The following SORCS3 variants were observed in gnomAD, a reference collection of about 807,000 sequenced individuals.
The protein encoded by SORCS3 is sortilin related VPS10 domain containing receptor 3, also known as VPS10 domain-containing receptor SorCS3.
A neutral mutation model predicts 146.3 loss-of-function variants in SORCS3; 57 were observed. That is an observed-to-expected ratio of 0.39 (90% CI 0.31 to 0.49). The LOEUF (loss-of-function observed/expected upper bound fraction) is 0.49. Among genes scored for constraint, SORCS3 ranks in the 20% least tolerant of loss-of-function variants. The pLI is 0.92. For synonymous variants in SORCS3, 653 were observed against 618.5 expected, an observed-to-expected ratio of 1.06 and a Z score of -0.83; for missense variants, 1,341 against 1,575.5, an observed-to-expected ratio of 0.85 and a Z score of 2.52.
At chr10:104,966,602 A>AG (rs2054827674) in intron 3 of SORCS3, among the ~76,000 whole-genome samples, 1 of 152,176 alleles carries the variant, frequency 6.6e-6, no homozygotes, top group African/African-American at 2.4e-5. Flanking sequence ...AGAGTGAGAG[A>AG]GAGACTGAGA....
intron 14 of SORCS3, among the ~76,000 whole-genome samples, chr10:105,181,457 C>A (rs1160615935): frequency 6.6e-6 from 1 of 152,030 alleles, no homozygotes; most frequent in Non-Finnish European, 1.5e-5. Context: ...GAATGAGGAG[C>A]TTACTGGGAA....
At chr10:105,083,878 A>G (rs2055641390) in intron 5 of SORCS3, among the ~76,000 whole-genome samples, 1 of 152,214 alleles carries the variant, frequency 6.6e-6, no homozygotes. Flanking sequence ...ATGAGGCATG[A>G]TGTTTATGAT....
intron 3 of SORCS3, among the ~76,000 whole-genome samples, chr10:104,941,216 T>A (rs2019317286): frequency 6.6e-6 from 1 of 152,178 alleles, no homozygotes. Context: ...GACCTGTATC[T>A]TTGTGACCTC....
intron 3 of SORCS3, among the ~76,000 whole-genome samples, chr10:104,927,655 G>A (rs185605335): frequency 0.013 from 1,960 of 150,124 alleles, 20 homozygotes; most frequent in Non-Finnish European, 0.021. Flanking sequence ...GAGGCAGGTG[G>A]ATCACCTGAG....
intron 4 of SORCS3, among the ~76,000 whole-genome samples, chr10:105,010,186 C>T (rs2055125697): frequency 6.6e-6 from 1 of 152,124 alleles, no homozygotes; most frequent in Non-Finnish European, 1.5e-5. Context: ...ATATGTACTC[C>T]ACAAGATCCT....
chr10:105,245,477 C>T, intron 20 of SORCS3, 65 bp from the exon 21 acceptor site: 2 of 1,575,338 alleles, frequency 1.3e-6, no homozygotes, highest in Admixed American at 3.5e-5. Context: ...CTGAGAGTTT[C>T]AGGAAAGGAA....
chr10:104,961,798 T>G (rs2054797670), intron 3 of SORCS3, among the ~76,000 whole-genome samples: 1 of 152,076 alleles, frequency 6.6e-6, no homozygotes. Context: ...CCAAATACAA[T>G]GAACTGAATA....
At chr10:104,701,371 AAGAC>A (rs1251811497) in intron 1 of SORCS3, among the ~76,000 whole-genome samples, 1 of 152,216 alleles carries the variant, frequency 6.6e-6, no homozygotes, top group Non-Finnish European at 1.5e-5. Flanking sequence ...GCAAAACTGA[AAGAC>A]AGAAAATTGC....
chr10:105,030,663 G>A (rs934275616), intron 4 of SORCS3, among the ~76,000 whole-genome samples: 1 of 151,628 alleles, frequency 6.6e-6, no homozygotes, highest in African/African-American at 2.4e-5. Context: ...TGGGATCTTG[G>A]CTCACTGCAA....
chr10:105,153,079 T>C (rs2056178960), intron 9 of SORCS3, among the ~76,000 whole-genome samples: 1 of 152,188 alleles, frequency 6.6e-6, no homozygotes, highest in East Asian at 1.9e-4. Context: ...AACAGTTCCA[T>C]TACCCCAAAT....
chr10:105,067,526 CA>C (rs1157572866), intron 5 of SORCS3, among the ~76,000 whole-genome samples: 2 of 152,208 alleles, frequency 1.3e-5, no homozygotes, highest in Non-Finnish European at 2.9e-5. Context: ...GACTCCGTCT[CA>C]AATAAATAAT....
chr10:105,232,555 T>C (rs2056771459), intron 20 of SORCS3, among the ~76,000 whole-genome samples: 1 of 151,884 alleles, frequency 6.6e-6, no homozygotes, highest in Non-Finnish European at 1.5e-5. Flanking sequence ...GTTCTAGTTT[T>C]TATTATTTCT....
intron 5 of SORCS3, among the ~76,000 whole-genome samples, chr10:105,045,019 T>A (rs2055360152): frequency 1.3e-5 from 1 of 76,856 alleles, no homozygotes. Context: ...AGTCCAGAAT[T>A]CGAAAAAAAA....
chr10:104,784,804 C>G (rs1055717002), intron 1 of SORCS3, among the ~76,000 whole-genome samples: 1 of 152,214 alleles, frequency 6.6e-6, no homozygotes, highest in Admixed American at 6.5e-5. Context: ...GGCCTTATTT[C>G]TTTCTTTAAT....
intron 2 of SORCS3, among the ~76,000 whole-genome samples, chr10:104,851,859 A>G (rs1210557629): frequency 6.6e-6 from 1 of 152,170 alleles, no homozygotes; most frequent in East Asian, 1.9e-4. Flanking sequence ...TGTCATTAGG[A>G]GGTTTCTGGC....
In SORCS3 at chr10:105,005,971, G is replaced by A. The variant is rs1589590533; in HGVS notation, c.954+28478G>A. ...TTCAATTTCTTTTCTTTAAGATGGA[G>A]TCTTGCTCTGTCGCCCAGGCTTGAG... On this transcript the variant is annotated intron_variant, in intron 4 of 26. Transcript: ENST00000369701. Among the ~76,000 whole-genome samples the A allele has an allele frequency of 2.6e-5, 4 of 152,204 alleles. No homozygotes were observed. The South Asian group carries it at 8.3e-4, about 32-fold the overall frequency.
intron 1 of SORCS3, among the ~76,000 whole-genome samples, chr10:104,649,222 G>A (rs2015530886): frequency 6.6e-6 from 1 of 152,068 alleles, no homozygotes; most frequent in Non-Finnish European, 1.5e-5. Flanking sequence ...AAGATCAATG[G>A]ATTTTGCAGC....
At chr10:105,175,330 G>A (rs2056392818) in intron 13 of SORCS3, among the ~76,000 whole-genome samples, 4 of 151,936 alleles carry the variant, frequency 2.6e-5, no homozygotes, top group African/African-American at 7.3e-5. Context: ...AAAGTGCTGG[G>A]ATTACAGGCC....
intron 1 of SORCS3, among the ~76,000 whole-genome samples, chr10:104,821,299 C>T (rs1279893304): frequency 6.6e-6 from 1 of 152,056 alleles, no homozygotes; most frequent in African/African-American, 2.4e-5. Context: ...TATAATGGGC[C>T]ACAGATGGAG....
Sources: gnomAD v4.1 joint callset for allele counts (sites outside exome capture counted in the v4.1 genomes callset) on GRCh38, gnomAD v4.1.1 for gene constraint, MANE v1.5 for transcripts, NCBI Gene and HGNC (gene_info 2026-07-23, HGNC 2026-07-21) for gene names.